The following SDCCAG8 variants were observed in gnomAD, a reference collection of about 807,000 sequenced individuals.
SDCCAG8 encodes SHH signaling and ciliogenesis regulator SDCCAG8, also known as serologically defined colon cancer antigen 8.
Under a neutral mutation model 101.8 loss-of-function variants are expected in SDCCAG8, and 74 were observed. The observed-to-expected ratio is 0.73, with a 90% CI of 0.60 to 0.88. The LOEUF (loss-of-function observed/expected upper bound fraction) is 0.88, where lower values mean the gene tolerates loss of function less well. SDCCAG8 is among the 40% of genes least tolerant of loss of function. The pLI is 0.00. For missense variants in SDCCAG8, 787 were observed against 822.6 expected, an observed-to-expected ratio of 0.96 and a Z score of 0.53; for synonymous variants, 281 against 292.9, an observed-to-expected ratio of 0.96 and a Z score of 0.41.
At chr1:243,312,023 C>T (rs968272812) in intron 8 of SDCCAG8, among the ~76,000 whole-genome samples, 10 of 152,332 alleles carry the variant, frequency 6.6e-5, no homozygotes, top group African/African-American at 2.2e-4. Context: ...ATCATTGTCT[C>T]ATGTTCTGCA....
intron 9 of SDCCAG8, among the ~76,000 whole-genome samples, chr1:243,325,468 G>A (rs1016813348): frequency 6.6e-6 from 1 of 151,442 alleles, no homozygotes; most frequent in Non-Finnish European, 1.5e-5. Context: ...GTGATGAAAT[G>A]GTTACTTGGT....
At chr1:243,428,736 C>T (rs1251877367) in intron 16 of SDCCAG8, among the ~76,000 whole-genome samples, 2 of 152,196 alleles carry the variant, frequency 1.3e-5, no homozygotes, top group African/African-American at 4.8e-5. Context: ...ATGGTACCAT[C>T]TGCAATTGAG....
intron 16 of SDCCAG8, among the ~76,000 whole-genome samples, chr1:243,427,728 A>T (rs2081436207): frequency 1.3e-5 from 2 of 152,296 alleles, no homozygotes; most frequent in Non-Finnish European, 2.9e-5. Flanking sequence ...GCTTTATTGA[A>T]TGAAGACAGG....
intron 5 of SDCCAG8, among the ~76,000 whole-genome samples, chr1:243,289,777 A>C (rs2070036828): frequency 6.6e-6 from 1 of 152,188 alleles, no homozygotes; most frequent in Non-Finnish European, 1.5e-5. Flanking sequence ...TTTCTGCATA[A>C]GTTAGGAAGA....
At chr1:243,290,771 A>AT (rs1469901218) in intron 5 of SDCCAG8, among the ~76,000 whole-genome samples, 4 of 152,018 alleles carry the variant, frequency 2.6e-5, no homozygotes, top group Admixed American at 2.0e-4. Flanking sequence ...ACCAGTGTCA[A>AT]TTTTTTTCTG....
At chr1:243,361,993 G>T (rs1056826352) in intron 12 of SDCCAG8, among the ~76,000 whole-genome samples, 2 of 152,064 alleles carry the variant, frequency 1.3e-5, no homozygotes, top group African/African-American at 4.8e-5. Flanking sequence ...TGGATGGATA[G>T]GTGGGTGAAG....
intron 10 of SDCCAG8, among the ~76,000 whole-genome samples, chr1:243,334,839 T>C (rs559194461): frequency 6.6e-6 from 1 of 152,128 alleles, no homozygotes; most frequent in South Asian, 2.1e-4. Context: ...GTACCCTCCT[T>C]GGCCACTCAA....
intron 1 of SDCCAG8, among the ~76,000 whole-genome samples, chr1:243,265,360 C>G (rs1160795398): frequency 6.6e-6 from 1 of 152,146 alleles, no homozygotes; most frequent in East Asian, 1.9e-4. Context: ...ACCCTAAAGC[C>G]TTGTGTGTCA....
intron 8 of SDCCAG8, among the ~76,000 whole-genome samples, chr1:243,314,395 C>G (rs1172626155): frequency 1.3e-5 from 2 of 152,192 alleles, no homozygotes; most frequent in African/African-American, 4.8e-5. Context: ...ACTTTTGAAC[C>G]AGAACGACTG....
At chr1:243,369,367 C>T (rs1480337112) in intron 12 of SDCCAG8, among the ~76,000 whole-genome samples, 2 of 152,140 alleles carry the variant, frequency 1.3e-5, no homozygotes, top group Non-Finnish European at 2.9e-5. Context: ...CTGTGACCGA[C>T]CAAGGGCTCA....
At chr1:243,398,157 A>G (rs952620258) in intron 13 of SDCCAG8, among the ~76,000 whole-genome samples, 8 of 152,230 alleles carry the variant, frequency 5.3e-5, no homozygotes, top group African/African-American at 1.9e-4. Flanking sequence ...ACACAAAGTA[A>G]ATGAGTACTG....
intron 13 of SDCCAG8, among the ~76,000 whole-genome samples, chr1:243,383,418 CA>C (rs2078080219): frequency 6.6e-6 from 1 of 152,270 alleles, no homozygotes; most frequent in African/African-American, 2.4e-5. Context: ...AGTTTCCTTC[CA>C]GTTCTGATAA....
intron 4 of SDCCAG8, among the ~76,000 whole-genome samples, chr1:243,280,692 G>A (rs1182370825): frequency 2.6e-5 from 4 of 152,146 alleles, no homozygotes; most frequent in Admixed American, 1.3e-4. Flanking sequence ...GTGTCATTTA[G>A]AAGAGTGTTG....
At chr1:243,467,980 T>C (rs892689288) in intron 16 of SDCCAG8, among the ~76,000 whole-genome samples, 1 of 152,170 alleles carries the variant, frequency 6.6e-6, no homozygotes, top group Non-Finnish European at 1.5e-5. Context: ...AACTTCCTTA[T>C]CAAATGCCCA....
intron 10 of SDCCAG8, among the ~76,000 whole-genome samples, chr1:243,337,850 G>A (rs2075117162): frequency 6.6e-6 from 1 of 151,706 alleles, no homozygotes; most frequent in African/African-American, 2.4e-5. Flanking sequence ...GAATGAACTT[G>A]GGCAAGTTAC....
chr1:243,270,885 A>T lies in SDCCAG8; in HGVS notation c.221-93A>T, dbSNP rs2068026794. On this transcript the variant is annotated intron_variant, in intron 2 of 17. Transcript: ENST00000366541. ...TAGCAGAATTCTTGATGCATAATAT[A>T]TCAGCAATTTTTATTAGTTGGAAGG... 4.5e-6 allele frequency: 4 copies of T among 885,162 alleles called. No homozygotes were observed. The South Asian group carries it at 5.3e-5, about 12-fold the overall frequency. The allele number at this position is 885,162 out of a possible 1,614,324, so 54.8% of individuals were successfully genotyped here.
chr1:243,258,624 A>G (rs2066949018), intron 1 of SDCCAG8, among the ~76,000 whole-genome samples: 1 of 152,118 alleles, frequency 6.6e-6, no homozygotes, highest in African/African-American at 2.4e-5. Context: ...AGGCTGCTCT[A>G]GAACTCCTGA....
At chr1:243,336,442 C>G (rs2783968) in intron 10 of SDCCAG8, among the ~76,000 whole-genome samples, 74,694 of 151,642 alleles carry the variant, frequency 0.49, 19,487 homozygotes, top group East Asian at 0.74. Context: ...AAGAAAAGAG[C>G]TTTAATTGGC....
chr1:243,476,664 C>T (rs1160604148), intron 16 of SDCCAG8, among the ~76,000 whole-genome samples: 1 of 152,176 alleles, frequency 6.6e-6, no homozygotes, highest in South Asian at 2.1e-4. Flanking sequence ...CCATGTCTTC[C>T]GTTAAGACTA....
Sources: gnomAD v4.1 joint callset for allele counts (sites outside exome capture counted in the v4.1 genomes callset) on GRCh38, gnomAD v4.1.1 for gene constraint, MANE v1.5 for transcripts, NCBI Gene and HGNC (gene_info 2026-07-23, HGNC 2026-07-21) for gene names.